Variants in RBM20 observed in about 807,000 individuals in gnomAD.
RBM20 encodes the protein RNA binding motif protein 20, also known as RNA-binding protein 20.
RBM20 carries 51 observed loss-of-function variants against 110.1 expected under a neutral mutation model. The observed-to-expected ratio is 0.46, with a 90% CI of 0.37 to 0.59. The LOEUF (loss-of-function observed/expected upper bound fraction) is 0.59. Ranked by LOEUF, RBM20 falls within the 20% of genes least tolerant of loss-of-function variation. The pLI, the probability that RBM20 is intolerant of heterozygous loss-of-function variation, is 0.00. For missense variants in RBM20, 1,512 were observed against 1,574.9 expected, an observed-to-expected ratio of 0.96 and a Z score of 0.68; for synonymous variants, 589 against 618.2, an observed-to-expected ratio of 0.95 and a Z score of 0.70.
chr10:110,671,736 GAT>G (rs35930707), intron 1 of RBM20, among the ~76,000 whole-genome samples: 48,793 of 150,860 alleles, frequency 0.32, 8,730 homozygotes, highest in East Asian at 0.64. Context: ...CACTGTTTAA[GAT>G]ATATATATAT....
intron 1 of RBM20, among the ~76,000 whole-genome samples, chr10:110,770,881 T>C (rs2135022881): frequency 6.6e-6 from 1 of 152,378 alleles, no homozygotes; most frequent in South Asian, 2.1e-4. Context: ...AATTGCATTT[T>C]CTTCCGATTT....
upstream of RBM20, among the ~76,000 whole-genome samples, chr10:110,643,485 C>G (rs992186960): frequency 6.6e-6 from 1 of 152,244 alleles, no homozygotes; most frequent in African/African-American, 2.4e-5. Context: ...GGGTAATTAA[C>G]AGGGCTTCAG....
chr10:110,711,872 T>C (rs1862935005), intron 1 of RBM20, among the ~76,000 whole-genome samples: 1 of 152,226 alleles, frequency 6.6e-6, no homozygotes, highest in South Asian at 2.1e-4. Context: ...ACACAGGGAT[T>C]GTATCCTTTT....
intron 1 of RBM20, among the ~76,000 whole-genome samples, chr10:110,735,491 C>T (rs1041043199): frequency 6.6e-6 from 1 of 152,158 alleles, no homozygotes; most frequent in Non-Finnish European, 1.5e-5. Context: ...AATAGTGTTC[C>T]ATTGTATAAA....
At chr10:110,684,476 A>G (rs1862472876) in intron 1 of RBM20, among the ~76,000 whole-genome samples, 1 of 152,212 alleles carries the variant, frequency 6.6e-6, no homozygotes, top group Non-Finnish European at 1.5e-5. Context: ...AGATATTGTT[A>G]GAACAAAACC....
intron 1 of RBM20, among the ~76,000 whole-genome samples, chr10:110,647,083 G>C (rs1211542146): frequency 6.6e-6 from 1 of 152,154 alleles, no homozygotes; most frequent in African/African-American, 2.4e-5. Flanking sequence ...TCCACTTACT[G>C]TCTATGTTTA....
At chr10:110,730,020 G>A (rs903603705) in intron 1 of RBM20, among the ~76,000 whole-genome samples, 2 of 152,114 alleles carry the variant, frequency 1.3e-5, no homozygotes, top group Non-Finnish European at 2.9e-5. Flanking sequence ...GTTTCTCCAT[G>A]TTGGTTAGGC....
chr10:110,678,057 G>A (rs1185748961), intron 1 of RBM20, among the ~76,000 whole-genome samples: 2 of 152,182 alleles, frequency 1.3e-5, no homozygotes, highest in Non-Finnish European at 1.5e-5. Flanking sequence ...TTCCTGTCTA[G>A]TGAGGAAAAC....
chr10:110,787,039 G>A (rs1844427867), intron 5 of RBM20, among the ~76,000 whole-genome samples: 1 of 152,184 alleles, frequency 6.6e-6, no homozygotes, highest in Admixed American at 6.5e-5. Flanking sequence ...CTATGGACTT[G>A]GCTCTAGGGA....
At position 110,750,930 on chromosome 10, in the gene RBM20, G is replaced by C. The variant is rs1344188623; in HGVS notation, c.192-29871G>C. ...GTGGGCTGGTAATTTGAAAATGGGA[G>C]TTGTGGAATTCTGCTTTACCTGCAG... On this transcript the variant is annotated intron_variant, in intron 1 of 13. Coordinates refer to ENST00000369519, the MANE Select transcript of RBM20 (RefSeq NM_001134363.3). Among the ~76,000 whole-genome samples the C allele has an allele frequency of 3.9e-5, 6 of 152,274 alleles. No homozygotes were observed. The East Asian group carries it at 9.6e-4, about 24-fold the overall frequency.
intron 1 of RBM20, among the ~76,000 whole-genome samples, chr10:110,743,098 CCT>C (rs1186801785): frequency 5.9e-5 from 9 of 152,182 alleles, no homozygotes; most frequent in African/African-American, 9.7e-5. Context: ...TAATCACTCC[CCT>C]GTTTAAGGAA....
intron 1 of RBM20, among the ~76,000 whole-genome samples, chr10:110,721,557 T>C (rs1843507371): frequency 6.6e-6 from 1 of 152,144 alleles, no homozygotes; most frequent in African/African-American, 2.4e-5. Context: ...CAGCAGTAAA[T>C]CATCACTGCA....
chr10:110,783,266 G>T, intron 2 of RBM20, 100 bp from the exon 3 acceptor site: 1 of 860,778 alleles, frequency 1.2e-6, no homozygotes. Context: ...CAGCCTCTGG[G>T]CGCTCTGTGC....
intron 1 of RBM20, among the ~76,000 whole-genome samples, chr10:110,736,275 C>G (rs1228612330): frequency 6.6e-6 from 1 of 152,234 alleles, no homozygotes; most frequent in Non-Finnish European, 1.5e-5. Context: ...ATTTACTTCT[C>G]TACAAATGCC....
At chr10:110,669,298 C>T (rs895505331) in intron 1 of RBM20, among the ~76,000 whole-genome samples, 5 of 150,872 alleles carry the variant, frequency 3.3e-5, no homozygotes, top group Middle Eastern at 3.4e-3. Flanking sequence ...ATGCGTGTGG[C>T]GGGGTAGGGG....
intron 1 of RBM20, among the ~76,000 whole-genome samples, chr10:110,758,004 G>A (rs948059633): frequency 1.6e-5 from 2 of 123,876 alleles, no homozygotes; most frequent in African/African-American, 3.0e-5. Flanking sequence ...AGACAGGCAA[G>A]ATCCTTGTTC....
At chr10:110,750,683 G>A (rs183701070) in intron 1 of RBM20, among the ~76,000 whole-genome samples, 43 of 152,284 alleles carry the variant, frequency 2.8e-4, no homozygotes, top group African/African-American at 9.9e-4. Context: ...GTAATGAAAT[G>A]TGTGCTCCCT....
At chr10:110,764,311 C>T (rs59159400) in intron 1 of RBM20, among the ~76,000 whole-genome samples, 3,870 of 152,220 alleles carry the variant, frequency 0.025, 158 homozygotes, top group African/African-American at 0.088. Context: ...CACCACCACC[C>T]ACAGCAGCAA....
intron 11 of RBM20, chr10:110,822,422 T>G (rs2135123503): frequency 2.2e-6 from 1 of 457,680 alleles, no homozygotes; most frequent in Admixed American, 2.3e-5. Context: ...ACCCATTTTT[T>G]GCTAGGGTCT....
Sources: gnomAD v4.1 joint callset for allele counts (sites outside exome capture counted in the v4.1 genomes callset) on GRCh38, gnomAD v4.1.1 for gene constraint, MANE v1.5 for transcripts, NCBI Gene and HGNC (gene_info 2026-07-23, HGNC 2026-07-21) for gene names.